Variants in PRKCB observed in about 807,000 individuals in gnomAD.
PRKCB encodes the protein protein kinase C beta.
Under a neutral mutation model 81.5 loss-of-function variants are expected in PRKCB, and 13 were observed. The ratio of observed to expected loss-of-function variants is 0.16; its 90% CI spans 0.10 to 0.25. PRKCB has a LOEUF of 0.25. Among genes scored for constraint, PRKCB ranks in the 10% least tolerant of loss-of-function variants. PRKCB has a pLI of 1.00. For synonymous variants in PRKCB, 335 were observed against 321.4 expected, an observed-to-expected ratio of 1.04 and a Z score of -0.45; for missense variants, 509 against 875.7, an observed-to-expected ratio of 0.58 and a Z score of 5.29.
chr16:23,844,953 C>A (rs571847978), intron 2 of PRKCB, among the ~76,000 whole-genome samples: 1 of 152,248 alleles, frequency 6.6e-6, no homozygotes, highest in African/African-American at 2.4e-5. Flanking sequence ...AGGTGCCCAC[C>A]ACCTCGCCCA....
chr16:23,873,187 CACAAA>C (rs1222524203), intron 2 of PRKCB, among the ~76,000 whole-genome samples: 5,074 of 76,284 alleles, frequency 0.067, 108 homozygotes, highest in South Asian at 0.13. Flanking sequence ...CACACACACA[CACAAA>C]AAAAAAAAAA....
chr16:23,987,945 T>G (rs1342084518), intron 2 of PRKCB, among the ~76,000 whole-genome samples: 1 of 152,216 alleles, frequency 6.6e-6, no homozygotes, highest in African/African-American at 2.4e-5. Context: ...TGTATTTGCT[T>G]GCAGACTACT....
At chr16:24,185,684 A>G (rs1396221587) in intron 15 of PRKCB, 117 bp downstream of exon 15, 16 of 792,750 alleles carry the variant, frequency 2.0e-5, no homozygotes, top group South Asian at 1.7e-4. Flanking sequence ...CCTTCACTCC[A>G]TTTGCCAATA....
chr16:23,872,691 A>C (rs956626116), intron 2 of PRKCB, among the ~76,000 whole-genome samples: 3 of 152,138 alleles, frequency 2.0e-5, no homozygotes, highest in African/African-American at 7.2e-5. Context: ...AAAGTGTAAA[A>C]ATATGAACTA....
chr16:24,206,817 G>A (rs189965254), intron 16 of PRKCB, among the ~76,000 whole-genome samples: 204 of 152,290 alleles, frequency 1.3e-3, no homozygotes, highest in African/African-American at 4.6e-3. Flanking sequence ...CTTATGTATC[G>A]CCAGAGTCCA....
At chr16:24,130,464 C>T in intron 9 of PRKCB, among the ~76,000 whole-genome samples, 1 of 152,070 alleles carries the variant, frequency 6.6e-6, no homozygotes, top group East Asian at 1.9e-4. Context: ...TTGTTCCTGG[C>T]CCCCACCCCC....
chr16:23,914,264 C>A (rs8051574), intron 2 of PRKCB, among the ~76,000 whole-genome samples: 1 of 152,036 alleles, frequency 6.6e-6, no homozygotes. Context: ...ATCCTTCTGC[C>A]TCAGCTTCCT....
chr16:24,034,697 T>C (rs1965591385), intron 4 of PRKCB, among the ~76,000 whole-genome samples: 1 of 152,192 alleles, frequency 6.6e-6, no homozygotes, highest in Non-Finnish European at 1.5e-5. Flanking sequence ...TAGCTGTGGT[T>C]CACAGCAGTG....
chr16:24,150,257 G>A (rs907229147), intron 9 of PRKCB, among the ~76,000 whole-genome samples: 1 of 152,180 alleles, frequency 6.6e-6, no homozygotes, highest in Non-Finnish European at 1.5e-5. Context: ...CTTGAACTCG[G>A]GAGGAGGTGA....
At chr16:24,188,977 A>G (rs1375909352) in intron 15 of PRKCB, among the ~76,000 whole-genome samples, 1 of 152,134 alleles carries the variant, frequency 6.6e-6, no homozygotes, top group Non-Finnish European at 1.5e-5. Flanking sequence ...GCCGTTATTG[A>G]TGTTATTATC....
At chr16:24,147,288 A>T (rs903143135) in intron 9 of PRKCB, among the ~76,000 whole-genome samples, 1 of 146,704 alleles carries the variant, frequency 6.8e-6, no homozygotes, top group Admixed American at 6.8e-5. Context: ...AGCCTGGGCA[A>T]CAGAGGAGAC....
At chr16:23,972,180 G>C (rs1418299585) in intron 2 of PRKCB, among the ~76,000 whole-genome samples, 2 of 152,170 alleles carry the variant, frequency 1.3e-5, no homozygotes, top group Non-Finnish European at 2.9e-5. Context: ...AAAGAAGGCA[G>C]ACACAAAATA....
At chr16:24,071,570 A>T (rs1278293694) in intron 5 of PRKCB, among the ~76,000 whole-genome samples, 1 of 152,058 alleles carries the variant, frequency 6.6e-6, no homozygotes. Flanking sequence ...GCTCAACTCA[A>T]CAGGGCCAGT....
intron 9 of PRKCB, among the ~76,000 whole-genome samples, chr16:24,153,015 T>C (rs1311554178): frequency 2.0e-5 from 3 of 152,218 alleles, no homozygotes; most frequent in Non-Finnish European, 4.4e-5. Context: ...ATAGGAATGC[T>C]GTGAGCTGGC....
intron 2 of PRKCB, among the ~76,000 whole-genome samples, chr16:23,870,393 G>A (rs949616508): frequency 4.6e-5 from 7 of 152,162 alleles, no homozygotes; most frequent in African/African-American, 1.7e-4. Context: ...GTATGTGCCA[G>A]GTACTCTTCA....
At chr16:23,961,308 AC>A (rs1008932325) in intron 2 of PRKCB, among the ~76,000 whole-genome samples, 3 of 152,160 alleles carry the variant, frequency 2.0e-5, no homozygotes, top group African/African-American at 7.2e-5. Context: ...TTTATGTATA[AC>A]AAAATGTAAG....
chr16:24,074,826 A>C (rs2141887627), intron 5 of PRKCB, among the ~76,000 whole-genome samples: 1 of 152,294 alleles, frequency 6.6e-6, no homozygotes, highest in South Asian at 2.1e-4. Flanking sequence ...GGGCTGTTTA[A>C]ATTTAAATTA....
chr16:23,873,352 G>A (rs1391585009), intron 2 of PRKCB, among the ~76,000 whole-genome samples: 4 of 149,070 alleles, frequency 2.7e-5, no homozygotes, highest in Non-Finnish European at 5.9e-5. Flanking sequence ...CAGCCTGGGC[G>A]ATGGAGTGAA....
At chr16:24,049,526 A>T (rs1328878085) in intron 5 of PRKCB, among the ~76,000 whole-genome samples, 1 of 120,530 alleles carries the variant, frequency 8.3e-6, no homozygotes, top group African/African-American at 3.2e-5. Flanking sequence ...CAACCGGGAC[A>T]TGCACCCTTA....
Sources: gnomAD v4.1 joint callset for allele counts (sites outside exome capture counted in the v4.1 genomes callset) on GRCh38, gnomAD v4.1.1 for gene constraint, MANE v1.5 for transcripts, NCBI Gene and HGNC (gene_info 2026-07-23, HGNC 2026-07-21) for gene names.